Variants in PCDHA10 observed in about 807,000 individuals in gnomAD.
PCDHA10 encodes protocadherin alpha-10.
A neutral mutation model predicts 61.2 loss-of-function variants in PCDHA10; 45 were observed. The ratio of observed to expected loss-of-function variants is 0.74; its 90% CI spans 0.58 to 0.94. PCDHA10 has a LOEUF of 0.94. Among genes scored for constraint, PCDHA10 ranks in the 40% least tolerant of loss-of-function variants. The pLI, the probability that PCDHA10 is intolerant of heterozygous loss-of-function variation, is 0.00. For synonymous variants in PCDHA10, 602 were observed against 548.8 expected, an observed-to-expected ratio of 1.10 and a Z score of -1.35; for missense variants, 1,278 against 1,236.2, an observed-to-expected ratio of 1.03 and a Z score of -0.51.
chr5:140,928,701 G>T, intron 1 of PCDHA10: 1 of 1,614,132 alleles, frequency 6.2e-7, no homozygotes, highest in Non-Finnish European at 8.5e-7. Context: ...TCTCCCGGGC[G>T]TCTGACTCTA....
chr5:141,010,525 C>A lies in PCDHA10; in HGVS notation c.*588C>A. On this transcript the variant is annotated 3_prime_UTR_variant, in exon 4 of 4. Coordinates refer to ENST00000307360, the MANE Select transcript of PCDHA10 (RefSeq NM_018901.4). ...CTAAATCTTACAACTCAAGAGGTGG[C>A]AGCCACCCTCTAGGAGACAAAACTA... 1 of 436,454 alleles carries A rather than the reference C, an allele frequency of 2.3e-6. No homozygotes were observed. The highest frequency in any genetic ancestry group is 3.9e-6 in the Non-Finnish European group (1 of 256,874). 27.0% of individuals were successfully genotyped at this position (436,454 alleles called of 1,614,324 possible).
chr5:140,884,479 C>A (rs1554181619), intron 1 of PCDHA10: 2 of 1,613,914 alleles, frequency 1.2e-6, no homozygotes, highest in African/African-American at 1.3e-5. Flanking sequence ...CGGGCAAGCC[C>A]ACTCTAGTGT....
intron 3 of PCDHA10, among the ~76,000 whole-genome samples, chr5:141,007,109 GA>G (rs1473367544): frequency 6.6e-6 from 1 of 152,138 alleles, no homozygotes; most frequent in Non-Finnish European, 1.5e-5. Flanking sequence ...CAAACCCAAG[GA>G]AGCTTCAACA....
In PCDHA10 at chr5:140,924,907, AAAATAAAAT is replaced by A. The variant is rs1563068988; in HGVS notation, c.2389-54038_2389-54030del. 7.1e-4 allele frequency among the ~76,000 whole-genome samples: 36 copies of A among 50,968 alleles called. 1 individual carries two copies. The highest frequency in any genetic ancestry group is 1.7e-3 in the African/African-American group (12 of 7,266). The allele number at this position is 50,968 out of a possible 152,430, so 33.4% of individuals were successfully genotyped here. ...AAGAACCTGTCTCAAAAAAAAAAAT[AAAATAAAAT>A]AAAATAAAATAAAATAAAATAAAAA... On this transcript the variant is annotated intron_variant, in intron 1 of 3. Transcript: ENST00000307360.
intron 1 of PCDHA10, chr5:140,859,610 T>C (rs2045934130): frequency 6.2e-6 from 1 of 161,780 alleles, no homozygotes; most frequent in African/African-American, 2.4e-5. Context: ...CTTTTTTCTT[T>C]CCTTTCTCTT....
chr5:140,869,283 G>A, intron 1 of PCDHA10: 2 of 1,613,602 alleles, frequency 1.2e-6, no homozygotes, highest in Non-Finnish European at 1.7e-6. Flanking sequence ...CGGAGCTGGT[G>A]CAGCGCCTGT....
intron 1 of PCDHA10, chr5:140,869,389 T>G (rs949262123): frequency 1.9e-6 from 3 of 1,614,180 alleles, no homozygotes; most frequent in Admixed American, 3.3e-5. Flanking sequence ...CGAGGAGCTG[T>G]GCGGGCAGAG....
rs2098417657 is a variant in PCDHA10, at chr5:141,010,566, C to T, written c.*629C>T. 3.4e-6 allele frequency: 1 copy of T among 290,180 alleles called. No individual in the cohort carries two copies. The highest frequency in any genetic ancestry group is 6.5e-6 in the Non-Finnish European group (1 of 154,226). The allele number at this position is 290,180 out of a possible 1,614,324, so 18.0% of individuals were successfully genotyped here. ...GACAAAACTACCCCCACTGACAAGG[C>T]TTTAGGAGACCCTAAAGTCTGTTGG... On this transcript the variant is annotated 3_prime_UTR_variant, in exon 4 of 4. Coordinates refer to ENST00000307360, the MANE Select transcript of PCDHA10 (RefSeq NM_018901.4).
intron 1 of PCDHA10, chr5:140,929,117 T>C (rs1554206704): frequency 1.9e-6 from 3 of 1,614,160 alleles, no homozygotes; most frequent in African/African-American, 2.7e-5. Context: ...TCAGCCACCA[T>C]AGATGTCACT....
intron 1 of PCDHA10, chr5:140,968,744 G>T: frequency 6.2e-7 from 1 of 1,614,164 alleles, no homozygotes; most frequent in Non-Finnish European, 8.5e-7. Context: ...CAACCTGACC[G>T]TGGTGGTCCG....
chr5:140,941,255 C>CTT (rs782490896), intron 1 of PCDHA10, among the ~76,000 whole-genome samples: 1,945 of 44,372 alleles, frequency 0.044, 20 homozygotes, highest in African/African-American at 0.075. Flanking sequence ...TTCTTTCTTT[C>CTT]TCTTTCTTTC....
chr5:141,003,445 G>A (rs2098125256), intron 3 of PCDHA10, among the ~76,000 whole-genome samples: 1 of 152,112 alleles, frequency 6.6e-6, no homozygotes, highest in African/African-American at 2.4e-5. Flanking sequence ...CCAAGTAGAT[G>A]AAATTACAGG....
chr5:140,943,804 G>C (rs996208541), intron 1 of PCDHA10, among the ~76,000 whole-genome samples: 2 of 152,224 alleles, frequency 1.3e-5, no homozygotes, highest in Non-Finnish European at 2.9e-5. Flanking sequence ...AGCAAAAGAG[G>C]AAAGTTTGAA....
At chr5:140,870,333 C>A in intron 1 of PCDHA10, 1 of 1,614,164 alleles carries the variant, frequency 6.2e-7, no homozygotes, top group Non-Finnish European at 8.5e-7. Flanking sequence ...TGCTGGACAG[C>A]GCCCTGGACC....
At chr5:140,952,351 AAAAG>A (rs1316352142) in intron 1 of PCDHA10, among the ~76,000 whole-genome samples, 25 of 120,612 alleles carry the variant, frequency 2.1e-4, no homozygotes, top group Non-Finnish European at 3.5e-4. Context: ...AAAAAAAAAA[AAAAG>A]AAAGAAAGAA....
intron 1 of PCDHA10, among the ~76,000 whole-genome samples, chr5:140,885,102 G>A (rs2060467065): frequency 6.6e-6 from 1 of 151,970 alleles, no homozygotes; most frequent in Non-Finnish European, 1.5e-5. Flanking sequence ...TCACATAAAT[G>A]CTTTTTTTAA....
chr5:140,877,401 G>A, intron 1 of PCDHA10: 1 of 1,613,944 alleles, frequency 6.2e-7, no homozygotes. Context: ...CGGACGCTCC[G>A]CGCCACCGCC....
intron 1 of PCDHA10, among the ~76,000 whole-genome samples, chr5:140,900,528 C>T (rs1261076566): frequency 2.6e-5 from 4 of 152,214 alleles, no homozygotes; most frequent in South Asian, 4.1e-4. Flanking sequence ...CTGCCCACCT[C>T]GGCTTTCCAA....
At chr5:140,875,707 C>T in intron 1 of PCDHA10, 1 of 1,614,166 alleles carries the variant, frequency 6.2e-7, no homozygotes. Flanking sequence ...GGAGGTAAAT[C>T]TGCAGAATGG....
Sources: allele counts gnomAD v4.1 joint callset (sites outside exome capture counted in the v4.1 genomes callset), GRCh38; gene constraint gnomAD v4.1.1; transcripts MANE v1.5; gene names NCBI Gene and HGNC (gene_info 2026-07-23, HGNC 2026-07-21).